The following PCSK2 variants were observed in gnomAD, a reference collection of about 807,000 sequenced individuals.
The protein encoded by PCSK2 is neuroendocrine convertase 2.
A neutral mutation model predicts 69.7 loss-of-function variants in PCSK2; 14 were observed. That is an observed-to-expected ratio of 0.20 (90% CI 0.13 to 0.31). PCSK2 has a LOEUF of 0.31. Among genes scored for constraint, PCSK2 ranks in the 10% least tolerant of loss-of-function variants. The pLI, the probability that PCSK2 is intolerant of heterozygous loss-of-function variation, is 1.00. For synonymous variants in PCSK2, 307 were observed against 320.7 expected, an observed-to-expected ratio of 0.96 and a Z score of 0.46; for missense variants, 544 against 842.5, an observed-to-expected ratio of 0.65 and a Z score of 4.39.
intron 5 of PCSK2, among the ~76,000 whole-genome samples, chr20:17,408,586 T>C (rs971217771): frequency 1.3e-5 from 2 of 152,238 alleles, no homozygotes; most frequent in African/African-American, 4.8e-5. Flanking sequence ...ATTTCTTTGT[T>C]TGATCTTTCG....
At chr20:17,306,363 C>T (rs139530957) in intron 2 of PCSK2, among the ~76,000 whole-genome samples, 1 of 152,224 alleles carries the variant, frequency 6.6e-6, no homozygotes, top group African/African-American at 2.4e-5. Flanking sequence ...GGTGACTGAA[C>T]CTGCATACAG....
intron 6 of PCSK2, among the ~76,000 whole-genome samples, chr20:17,409,829 C>T (rs1293772587): frequency 2.0e-5 from 3 of 152,144 alleles, no homozygotes; most frequent in Non-Finnish European, 4.4e-5. Context: ...GGACAAAGAT[C>T]CTATGATGTC....
At position 17,461,021 on chromosome 20, in the gene PCSK2, C is replaced by A. The variant is rs970419944; in HGVS notation, c.1203-4305C>A. ...GGCTTTAAGCATTAGGATGCCTGTT[C>A]CACTGGGCTCTCGGTGGAACATAGA... On this transcript the variant is annotated intron_variant, in intron 10 of 11. Coordinates refer to ENST00000262545, the MANE Select transcript of PCSK2 (RefSeq NM_002594.5). Among the ~76,000 whole-genome samples the A allele has an allele frequency of 2.0e-5, 3 of 152,140 alleles. No homozygotes were observed. The East Asian group carries it at 5.8e-4, about 29-fold the overall frequency.
At chr20:17,326,078 T>C (rs1990042028) in intron 2 of PCSK2, among the ~76,000 whole-genome samples, 1 of 152,232 alleles carries the variant, frequency 6.6e-6, no homozygotes, top group Admixed American at 6.5e-5. Context: ...CCCCATGCCA[T>C]TAGCCAACAC....
chr20:17,481,671 T>C lies in PCSK2; in HGVS notation c.1518T>C (p.His506=). ...AAAATTTTGTCCGCTACCTGGAGCATGTCCAGGCTGTCATCACGGTCAACG... is the reference window on the plus strand; with the variant it reads ...AAAATTTTGTCCGCTACCTGGAGCACGTCCAGGCTGTCATCACGGTCAACG... ...GKENFVRYLE[H]VQAVITVNAT... Residue 506 remains histidine, a synonymous_variant, in exon 12 of 12, where the codon CAT becomes CAC. Transcript: ENST00000262545. 1 of 1,614,142 alleles carries C rather than the reference T, an allele frequency of 6.2e-7. No homozygotes were observed. Among genetic ancestry groups the C allele is most frequent in the Non-Finnish European group, 8.5e-7 (1 of 1,180,032 alleles).
intron 2 of PCSK2, among the ~76,000 whole-genome samples, chr20:17,333,879 T>C (rs915087688): frequency 7.4e-6 from 1 of 134,650 alleles, no homozygotes; most frequent in Non-Finnish European, 1.6e-5. Context: ...TGTGCTATTA[T>C]TTCCATACAT....
intron 1 of PCSK2, among the ~76,000 whole-genome samples, chr20:17,242,541 A>G (rs1004327273): frequency 6.6e-6 from 1 of 152,196 alleles, no homozygotes; most frequent in Non-Finnish European, 1.5e-5. Flanking sequence ...TGAGGTCTCT[A>G]TTTTGCTATT....
At chr20:17,301,064 G>C (rs1989063373) in intron 2 of PCSK2, among the ~76,000 whole-genome samples, 1 of 152,226 alleles carries the variant, frequency 6.6e-6, no homozygotes, top group South Asian at 2.1e-4. Context: ...CTTCAAGAGT[G>C]GGGTGTCGTT....
At chr20:17,475,664 G>T (rs1017227129) in intron 11 of PCSK2, among the ~76,000 whole-genome samples, 5 of 152,076 alleles carry the variant, frequency 3.3e-5, no homozygotes, top group African/African-American at 1.2e-4. Context: ...ACTTGTAAAG[G>T]GTCTGTCACT....
chr20:17,438,093 G>A (rs1466223380), intron 8 of PCSK2, among the ~76,000 whole-genome samples: 2 of 152,098 alleles, frequency 1.3e-5, no homozygotes, highest in Non-Finnish European at 2.9e-5. Flanking sequence ...CTGGTGTTAA[G>A]TGAGGGAAAG....
chr20:17,317,043 A>G (rs753377153), intron 2 of PCSK2, among the ~76,000 whole-genome samples: 21 of 152,128 alleles, frequency 1.4e-4, no homozygotes, highest in Non-Finnish European at 2.8e-4. Flanking sequence ...TGAGAGTGCC[A>G]CATTCTCTCT....
At chr20:17,357,872 C>CA (rs1182090072) in intron 2 of PCSK2, among the ~76,000 whole-genome samples, 3 of 139,562 alleles carry the variant, frequency 2.1e-5, no homozygotes, top group African/African-American at 8.0e-5. Context: ...CCGGCCTGGG[C>CA]AACAAGAGCG....
rs751299373 is a variant in PCSK2, at chr20:17,465,509, G to T, written c.1386G>T (p.Val462=). The change falls in exon 11 of 12, where the codon GTG becomes GTT. Residue 462 remains valine (V), a synonymous_variant. Transcript: ENST00000262545. ...MVKMAKDWKT[V]PERFHCVGGS... ...AAATGGCTAAAGACTGGAAAACCGT[G>T]CCTGAGAGATTCCACTGTGTGGGAG... The T allele has an allele frequency of 6.2e-7, 1 of 1,611,726 alleles. No homozygotes were observed. Among genetic ancestry groups the T allele is most frequent in the Admixed American group, 1.7e-5 (1 of 59,912 alleles).
intron 2 of PCSK2, among the ~76,000 whole-genome samples, chr20:17,289,653 G>C (rs1600453998): frequency 6.6e-6 from 1 of 151,898 alleles, no homozygotes. Context: ...CATACCCAAA[G>C]CTAAACATCA....
At chr20:17,328,495 C>T (rs116310899) in intron 2 of PCSK2, among the ~76,000 whole-genome samples, 10,569 of 150,384 alleles carry the variant, frequency 0.07, 569 homozygotes, top group South Asian at 0.28. Flanking sequence ...TATTAAAATA[C>T]ATAGACAAAC....
chr20:17,350,776 C>T (rs1276889050), intron 2 of PCSK2, among the ~76,000 whole-genome samples: 2 of 152,180 alleles, frequency 1.3e-5, no homozygotes, highest in Non-Finnish European at 2.9e-5. Context: ...GGCGTGGTGG[C>T]TTATGCCTGT....
intron 2 of PCSK2, among the ~76,000 whole-genome samples, chr20:17,272,270 G>T (rs2123027011): frequency 6.6e-6 from 1 of 152,132 alleles, no homozygotes; most frequent in South Asian, 2.1e-4. Flanking sequence ...GAGTAGTATT[G>T]CATGCTCACT....
intron 2 of PCSK2, among the ~76,000 whole-genome samples, chr20:17,293,598 G>A (rs918985675): frequency 1.3e-5 from 2 of 151,926 alleles, no homozygotes; most frequent in African/African-American, 2.4e-5. Flanking sequence ...TTCTTTTAAC[G>A]AATTAATTTA....
chr20:17,273,780 C>T (rs1360001400), intron 2 of PCSK2, among the ~76,000 whole-genome samples: 2 of 152,164 alleles, frequency 1.3e-5, no homozygotes, highest in Non-Finnish European at 2.9e-5. Flanking sequence ...GTTTCCTTTT[C>T]ACTGTGCTAC....
Sources: gnomAD v4.1 joint callset for allele counts (sites outside exome capture counted in the v4.1 genomes callset) on GRCh38, gnomAD v4.1.1 for gene constraint, MANE v1.5 for transcripts, NCBI Gene and HGNC (gene_info 2026-07-23, HGNC 2026-07-21) for gene names.